The following LRSAM1 variants were observed in gnomAD, a reference collection of about 807,000 sequenced individuals.
LRSAM1 encodes leucine rich repeat and sterile alpha motif containing 1.
LRSAM1 carries 96 observed loss-of-function variants against 118.1 expected under a neutral mutation model. That is an observed-to-expected ratio of 0.81 (90% confidence interval 0.69 to 0.96). The LOEUF (loss-of-function observed/expected upper bound fraction) is 0.96, where lower values mean the gene tolerates loss of function less well. LRSAM1 is among the 40% of genes least tolerant of loss of function. LRSAM1 has a pLI of 0.00. For synonymous variants in LRSAM1, 322 were observed against 364.2 expected, an observed-to-expected ratio of 0.88 and a Z score of 1.32; for missense variants, 804 against 915.5, an observed-to-expected ratio of 0.88 and a Z score of 1.57.
intron 6 of LRSAM1, among the ~76,000 whole-genome samples, chr9:127,458,263 T>C (rs1834596879): frequency 6.6e-6 from 1 of 151,996 alleles, no homozygotes; most frequent in Non-Finnish European, 1.5e-5. Context: ...GCGCCTGTAG[T>C]CCCAGCTACT....
At chr9:127,478,419 G>A (rs552509935) in intron 11 of LRSAM1, among the ~76,000 whole-genome samples, 5 of 152,342 alleles carry the variant, frequency 3.3e-5, no homozygotes, top group South Asian at 2.1e-4. Context: ...CCCCATTGGC[G>A]GTTGTGTAAT....
At chr9:127,502,087 G>A (rs1836413114) in intron 25 of LRSAM1, among the ~76,000 whole-genome samples, 1 of 152,230 alleles carries the variant, frequency 6.6e-6, no homozygotes, top group Admixed American at 6.5e-5. Context: ...AGGAGTTCAG[G>A]GCCTGGGCAA....
Position 127,467,754 on chromosome 9 carries a change from C to T in LRSAM1, c.543C>T (p.Asp181=), listed in dbSNP as rs770410548. 1.2e-5 allele frequency: 20 copies of T among 1,610,190 alleles called. No individual in the cohort carries two copies. In the East Asian group the frequency reaches 2.7e-4, roughly 22 times the overall value. The change falls in exon 10 of 26, where the codon GAC becomes GAT. Residue 181 remains aspartate (D), a synonymous_variant. Transcript: ENST00000300417. ...HVRTLEMLSL[D]ASAMVYPPRE... ...TGTGTCTGCAGATGCTGAGCCTTGA[C>T]GCCTCGGCCATGGTCTACCCGCCGC... is the stretch of plus-strand genomic sequence containing the variant.
chr9:127,478,325 A>G (rs746516353), intron 11 of LRSAM1, among the ~76,000 whole-genome samples: 3 of 152,190 alleles, frequency 2.0e-5, no homozygotes, highest in Non-Finnish European at 2.9e-5. Context: ...ACCTTCACAC[A>G]TATGCTCAGA....
In LRSAM1 at chr9:127,487,766, G is replaced by A. The variant is rs375937623; in HGVS notation, c.1347+3G>A. ...CCATCAGCCAGATCCTGCAGGAGGTGAGCCCTCGCCCAGAGCCTGAGGGTG... is the reference window on the plus strand; with the variant it reads ...CCATCAGCCAGATCCTGCAGGAGGTAAGCCCTCGCCCAGAGCCTGAGGGTG... On this transcript the variant is annotated splice_donor_region_variant and intron_variant, in intron 18 of 25. Coordinates refer to ENST00000300417, the MANE Select transcript of LRSAM1 (RefSeq NM_001005373.4). 34 of 1,611,524 alleles carry A rather than the reference G, an allele frequency of 2.1e-5. No individual in the cohort carries two copies. The highest frequency in any genetic ancestry group is 2.9e-5 in the Non-Finnish European group (34 of 1,178,758).
chr9:127,479,729 A>G, intron 13 of LRSAM1, 110 bp from the exon 14 acceptor site: 2 of 1,483,654 alleles, frequency 1.3e-6, no homozygotes, highest in Non-Finnish European at 1.8e-6. Flanking sequence ...AGGTCACACA[A>G]AAAGGATTGG....
intron 9 of LRSAM1, 42 bp downstream of exon 9, chr9:127,462,415 G>T: frequency 6.2e-7 from 1 of 1,612,664 alleles, no homozygotes; most frequent in African/African-American, 1.3e-5. Flanking sequence ...TCTCTGGCCT[G>T]CCCACCTCCC....
chr9:127,455,639 T>C lies in LRSAM1; in HGVS notation c.174+19T>C. 6.2e-7 allele frequency: 1 copy of C among 1,613,200 alleles called. No individual in the cohort carries two copies. Among genetic ancestry groups the C allele is most frequent in the Non-Finnish European group, 8.5e-7 (1 of 1,179,252 alleles). On this transcript the variant is annotated intron_variant, in intron 5 of 25. Transcript: ENST00000300417. ...GAAGAAGGTAAGATGGAGCTTCATCTTCAGAGACTTTCTTGTTGCATGTCT... is the reference window on the plus strand; with the variant it reads ...GAAGAAGGTAAGATGGAGCTTCATCCTCAGAGACTTTCTTGTTGCATGTCT...
intron 11 of LRSAM1, 41 bp downstream of exon 11, chr9:127,473,972 G>A (rs1174220056): frequency 2.5e-6 from 4 of 1,613,386 alleles, no homozygotes; most frequent in African/African-American, 1.3e-5. Context: ...ATGTGTGTGT[G>A]TGCGTGTGCA....
In LRSAM1 at chr9:127,503,179, A is replaced by C; in HGVS notation, c.*280A>C. On this transcript the variant is annotated 3_prime_UTR_variant, in exon 26 of 26. Coordinates refer to ENST00000300417, the MANE Select transcript of LRSAM1 (RefSeq NM_001005373.4). ...GCCTGGGAGCCAGCGTCCCAGCCTAATCACGGATCTGCTGCCTCCCAGCTG... is the reference window on the plus strand; with the variant it reads ...GCCTGGGAGCCAGCGTCCCAGCCTACTCACGGATCTGCTGCCTCCCAGCTG... The C allele has an allele frequency of 2.5e-5, 12 of 473,934 alleles. No individual in the cohort carries two copies. Among genetic ancestry groups the C allele is most frequent in the East Asian group, 1.2e-4 (3 of 24,428 alleles). The allele number at this position is 473,934 out of a possible 1,614,324, so 29.4% of individuals were successfully genotyped here.
chr9:127,496,173 T>C, intron 23 of LRSAM1, 78 bp downstream of exon 23: 1 of 1,582,518 alleles, frequency 6.3e-7, no homozygotes, highest in Non-Finnish European at 8.5e-7. Context: ...GATCTGCTCC[T>C]TGTGTAGTCC....
chr9:127,492,781 G>T (rs200195985), intron 20 of LRSAM1, 21 bp from the exon 21 acceptor site: 9 of 1,610,880 alleles, frequency 5.6e-6, no homozygotes, highest in Non-Finnish European at 7.6e-6. Context: ...ACGGTGGTGC[G>T]GGGTGTGGTC....
At chr9:127,472,489 A>G (rs924711247) in intron 10 of LRSAM1, among the ~76,000 whole-genome samples, 1 of 151,902 alleles carries the variant, frequency 6.6e-6, no homozygotes, top group East Asian at 1.9e-4. Flanking sequence ...TAAAAATACA[A>G]AATTAGCTGG....
intron 17 of LRSAM1, chr9:127,487,377 G>A (rs1324916070): frequency 2.7e-6 from 1 of 375,172 alleles, no homozygotes; most frequent in Non-Finnish European, 5.2e-6. Flanking sequence ...GAGGTGGCTG[G>A]GCAGAGGCAG....
At chr9:127,477,761 G>A (rs936643869) in intron 11 of LRSAM1, among the ~76,000 whole-genome samples, 1 of 122,210 alleles carries the variant, frequency 8.2e-6, no homozygotes, top group South Asian at 2.6e-4. Context: ...GAAAAAACTT[G>A]TGTGGGCCGG....
chr9:127,480,389 A>G (rs1031909368), intron 14 of LRSAM1, among the ~76,000 whole-genome samples: 3 of 152,188 alleles, frequency 2.0e-5, no homozygotes, highest in Admixed American at 2.0e-4. Flanking sequence ...GCAAGGTACG[A>G]GCTAGTAAGA....
At chr9:127,491,347 T>C (rs547903426) in intron 20 of LRSAM1, 52 bp downstream of exon 20, 5 of 1,431,042 alleles carry the variant, frequency 3.5e-6, no homozygotes, top group Admixed American at 1.7e-5. Flanking sequence ...GACCCCCACC[T>C]GGTGCTCCCT....
intron 6 of LRSAM1, among the ~76,000 whole-genome samples, chr9:127,458,336 T>C (rs1834601152): frequency 1.3e-5 from 2 of 149,850 alleles, no homozygotes; most frequent in African/African-American, 2.5e-5. Context: ...GAGCCGAGAT[T>C]GCGCCACTGC....
chr9:127,489,667 C>A, intron 19 of LRSAM1, 149 bp downstream of exon 19: 1 of 835,886 alleles, frequency 1.2e-6, no homozygotes. Context: ...CCCTCAGAAC[C>A]TCCCTTTGCT....
Sources: allele counts gnomAD v4.1 joint callset (sites outside exome capture counted in the v4.1 genomes callset), GRCh38; gene constraint gnomAD v4.1.1; transcripts MANE v1.5; gene names NCBI Gene and HGNC (gene_info 2026-07-23, HGNC 2026-07-21).